HECW1: variants seen among roughly 807,000 people sequenced by gnomAD.
HECW1 encodes the protein E3 ubiquitin-protein ligase HECW1.
A neutral mutation model predicts 182.3 loss-of-function variants in HECW1; 61 were observed. The ratio of observed to expected loss-of-function variants is 0.33; its 90% CI spans 0.27 to 0.41. HECW1 has a LOEUF of 0.41. Among genes scored for constraint, HECW1 ranks in the 10% least tolerant of loss-of-function variants. HECW1 has a pLI of 1.00. For synonymous variants in HECW1, 859 were observed against 832.6 expected (o/e 1.03, Z -0.55); for missense variants, 1,739 against 2,108.9 (o/e 0.82, Z 3.44).
chr7:43,468,849 C>A, intron 15 of HECW1, 71 bp from the exon 16 acceptor site: 2 of 1,341,836 alleles, frequency 1.5e-6, no homozygotes, highest in Non-Finnish European at 2.1e-6. Context: ...TGTTAGGGTG[C>A]TCATAGTGTG....
At chr7:43,428,317 C>T (rs1293331476) in intron 8 of HECW1, among the ~76,000 whole-genome samples, 1 of 152,166 alleles carries the variant, frequency 6.6e-6, no homozygotes, top group Non-Finnish European at 1.5e-5. Flanking sequence ...GGATTGTATT[C>T]CATTTTTGCA....
intron 22 of HECW1, 148 bp from the exon 23 acceptor site, chr7:43,507,870 T>A: frequency 1.7e-6 from 1 of 591,668 alleles, no homozygotes. Flanking sequence ...AATCCCTCGA[T>A]GAACTGACGG....
In HECW1 at chr7:43,504,010, G is replaced by A. The variant is rs552148629; in HGVS notation, c.3631+2688G>A. On this transcript the variant is annotated intron_variant, in intron 21 of 29. Coordinates refer to ENST00000395891, the MANE Select transcript of HECW1 (RefSeq NM_015052.5). ...CCAGGTGTTTGGGGCCCAGGTAGGC[G>A]GGGCCCCAACGCTTCCTTGCTTTTA... Among the ~76,000 whole-genome samples the A allele has an allele frequency of 8.5e-5, 13 of 152,102 alleles. No homozygotes were observed. In the East Asian group the frequency reaches 1.4e-3, roughly 16 times the overall value.
intron 2 of HECW1, among the ~76,000 whole-genome samples, chr7:43,241,870 G>A (rs1049542771): frequency 2.6e-5 from 4 of 152,044 alleles, no homozygotes; most frequent in African/African-American, 9.7e-5. Flanking sequence ...CTATTCCCAG[G>A]CCTCTGTCAT....
At chr7:43,459,543 GT>G (rs565413703) in intron 13 of HECW1, among the ~76,000 whole-genome samples, 34 of 146,158 alleles carry the variant, frequency 2.3e-4, no homozygotes, top group African/African-American at 2.5e-4. Context: ...GGATGATTTA[GT>G]TTTTTTTTTT....
intron 3 of HECW1, chr7:43,274,218 A>G: frequency 1.7e-6 from 1 of 572,218 alleles, no homozygotes; most frequent in Non-Finnish European, 3.0e-6. Context: ...GCCCACCCCC[A>G]AATGCCACAC....
intron 11 of HECW1, among the ~76,000 whole-genome samples, chr7:43,448,610 G>A (rs530168607): frequency 1.3e-5 from 2 of 152,328 alleles, no homozygotes; most frequent in Admixed American, 6.5e-5. Flanking sequence ...CTTCCAGGCA[G>A]ACAAGCAGTG....
Position 43,442,549 on chromosome 7 carries a change from C to T in HECW1, c.965C>T (p.Thr322Ile). The change falls in exon 10 of 30, where the codon ACA (threonine) becomes ATA (isoleucine). Residue 322 changes from threonine (T) to isoleucine (I), a missense_variant. Physicochemically the swap from Thr to Ile is moderately conservative, Grantham distance 89 (BLOSUM62 -1). Transcript: ENST00000395891. ...TCTAGGGATAGGGTGGTCAGCTACACACTTGGCCGCAGGCTTCCAACAGAT... is the reference window on the plus strand; with the variant it reads ...TCTAGGGATAGGGTGGTCAGCTACATACTTGGCCGCAGGCTTCCAACAGAT... Reference protein sequence around the residue: ...HAIGDRVVSYTLGRRLPTDHV... With the variant: ...HAIGDRVVSYILGRRLPTDHV... The T allele has an allele frequency of 6.2e-7, 1 of 1,613,572 alleles. No individual in the cohort carries two copies. Among genetic ancestry groups the T allele is most frequent in the South Asian group, 1.1e-5 (1 of 91,008 alleles).
intron 2 of HECW1, among the ~76,000 whole-genome samples, chr7:43,226,540 C>CG (rs1335117822): frequency 3.9e-5 from 6 of 152,204 alleles, no homozygotes; most frequent in African/African-American, 1.4e-4. Flanking sequence ...CATTGTCACT[C>CG]AACTGACAGG....
chr7:43,407,454 A>C, intron 7 of HECW1, 108 bp from the exon 8 acceptor site: 1 of 768,076 alleles, frequency 1.3e-6, no homozygotes, highest in South Asian at 2.0e-5. Flanking sequence ...AACACTAGAG[A>C]TCTAGTTCAT....
chr7:43,407,811 A>C, intron 8 of HECW1, 80 bp downstream of exon 8: 1 of 1,273,212 alleles, frequency 7.9e-7, no homozygotes, highest in Non-Finnish European at 1.1e-6. Flanking sequence ...CCTTCCCTCC[A>C]TTCATGGAGC....
intron 4 of HECW1, among the ~76,000 whole-genome samples, chr7:43,313,893 T>C (rs1300293205): frequency 6.6e-6 from 1 of 152,246 alleles, no homozygotes; most frequent in Non-Finnish European, 1.5e-5. Context: ...TGAGTGTCTT[T>C]TGTTTAGCAC....
intron 3 of HECW1, among the ~76,000 whole-genome samples, chr7:43,296,044 C>T (rs1401125110): frequency 6.6e-6 from 1 of 152,018 alleles, no homozygotes; most frequent in African/African-American, 2.4e-5. Flanking sequence ...AATAGAATTA[C>T]CTTGCTAATT....
At chr7:43,223,056 T>TC (rs1462453504) in intron 2 of HECW1, among the ~76,000 whole-genome samples, 4 of 152,216 alleles carry the variant, frequency 2.6e-5, no homozygotes, top group African/African-American at 7.2e-5. Flanking sequence ...CCTGACTACT[T>TC]CCTCATCTTA....
At chr7:43,382,155 G>A (rs2074579420) in intron 6 of HECW1, among the ~76,000 whole-genome samples, 1 of 152,166 alleles carries the variant, frequency 6.6e-6, no homozygotes, top group African/African-American at 2.4e-5. Flanking sequence ...GCATGGTGGT[G>A]GGGGCCTGTA....
At chr7:43,269,518 T>C (rs1197232154) in intron 3 of HECW1, among the ~76,000 whole-genome samples, 1 of 152,184 alleles carries the variant, frequency 6.6e-6, no homozygotes, top group Non-Finnish European at 1.5e-5. Context: ...AAATTCACAC[T>C]TGAAGCATAT....
intron 15 of HECW1, among the ~76,000 whole-genome samples, chr7:43,468,231 C>T (rs2077869502): frequency 6.6e-6 from 1 of 152,176 alleles, no homozygotes; most frequent in Non-Finnish European, 1.5e-5. Flanking sequence ...ACAGACCTCT[C>T]ATGTCCAGCC....
intron 1 of HECW1, 42 bp from the exon 2 acceptor site, chr7:43,114,115 G>C: frequency 1.7e-6 from 1 of 580,520 alleles, no homozygotes; most frequent in East Asian, 4.1e-5. Flanking sequence ...AATCTGCAGT[G>C]GTGCAATTCT....
intron 2 of HECW1, among the ~76,000 whole-genome samples, chr7:43,231,237 G>A (rs1797852287): frequency 6.6e-6 from 1 of 152,182 alleles, no homozygotes; most frequent in African/African-American, 2.4e-5. Flanking sequence ...CTGCACTTCT[G>A]TCCTTTCCAC....
Sources: allele counts gnomAD v4.1 joint callset (sites outside exome capture counted in the v4.1 genomes callset), GRCh38; gene constraint gnomAD v4.1.1; transcripts MANE v1.5; gene names NCBI Gene and HGNC (gene_info 2026-07-23, HGNC 2026-07-21).